Variants in PARP14 observed in about 807,000 individuals in gnomAD.
PARP14 encodes protein mono-ADP-ribosyltransferase PARP14.
PARP14 carries 59 observed loss-of-function variants against 154.2 expected under a neutral mutation model. The ratio of observed to expected loss-of-function variants is 0.38; its 90% confidence interval spans 0.31 to 0.48. The LOEUF is 0.48. Among genes scored for constraint, PARP14 ranks in the 20% least tolerant of loss-of-function variants. The probability of loss-of-function intolerance (pLI) is 0.98; values close to 1 mark genes in which losing one functional copy is unlikely to be tolerated. For missense variants in PARP14, 1,734 were observed against 2,131.6 expected (o/e 0.81, Z 3.67); for synonymous variants, 720 against 780.5 (o/e 0.92, Z 1.29).
chr3:122,702,411 G>A (rs1939007044), intron 6 of PARP14, among the ~76,000 whole-genome samples: 2 of 152,088 alleles, frequency 1.3e-5, no homozygotes, highest in South Asian at 4.2e-4. Context: ...GTAGAGATGG[G>A]GTTTCACCAT....
chr3:122,701,033 C>A lies in PARP14; in HGVS notation c.2479C>A (p.Leu827Ile), dbSNP rs1487881769. 6.2e-7 allele frequency: 1 copy of A among 1,614,024 alleles called. No homozygotes were observed. Among genetic ancestry groups the A allele is most frequent in the Admixed American group, 1.7e-5 (1 of 60,032 alleles). Reference protein sequence around the residue: ...DVVVNASNEDLKHYGGLAAAL... With the variant: ...DVVVNASNEDIKHYGGLAAAL... Reference sequence around the variant, plus strand: ...GGTGGTGAATGCATCTAATGAGGACCTTAAGCATTATGGTGGCCTGGCCGC... The same window carrying A: ...GGTGGTGAATGCATCTAATGAGGACATTAAGCATTATGGTGGCCTGGCCGC... Residue 827 changes from leucine to isoleucine, a missense_variant, in exon 6 of 17, where the codon CTT (leucine) becomes ATT (isoleucine). Coordinates refer to ENST00000474629, the MANE Select transcript of PARP14 (RefSeq NM_017554.3). This position sits in a 1 kb window ranked among gnomAD's most constrained non-coding sequence, Gnocchi z 4.0.
intron 9 of PARP14, among the ~76,000 whole-genome samples, chr3:122,709,456 GAT>G (rs1420880839): frequency 2.0e-5 from 3 of 152,178 alleles, no homozygotes. Context: ...CTTGTTGGTT[GAT>G]GGACACTTAG....
intron 2 of PARP14, 144 bp from the exon 3 acceptor site, chr3:122,686,936 C>G (rs1006550041): frequency 2.3e-5 from 14 of 608,338 alleles, no homozygotes; most frequent in Non-Finnish European, 4.1e-5. Flanking sequence ...TATATGGCCC[C>G]AGATGTATTC....
intron 1 of PARP14, among the ~76,000 whole-genome samples, chr3:122,684,971 G>A (rs1460794876): frequency 2.0e-5 from 3 of 152,078 alleles, no homozygotes; most frequent in Non-Finnish European, 4.4e-5. Context: ...GGCTTATTAG[G>A]GAACATGCTC....
intron 1 of PARP14, among the ~76,000 whole-genome samples, chr3:122,682,538 T>C (rs578237055): frequency 3.0e-4 from 45 of 152,324 alleles, no homozygotes; most frequent in Non-Finnish European, 4.9e-4. Context: ...GAAATAATTA[T>C]ACAAATTTAA....
At chr3:122,687,182 A>C in intron 3 of PARP14, 69 bp downstream of exon 3, 1 of 1,095,650 alleles carries the variant, frequency 9.1e-7, no homozygotes, top group Non-Finnish European at 1.4e-6. Flanking sequence ...GCAGCACTTG[A>C]GGGAGTCAGC....
At chr3:122,697,395 A>C (rs1393794359) in intron 5 of PARP14, among the ~76,000 whole-genome samples, 1 of 152,258 alleles carries the variant, frequency 6.6e-6, no homozygotes, top group East Asian at 1.9e-4. Context: ...AGAAAGGTCC[A>C]ATAACTTGCC....
Position 122,714,364 on chromosome 3 carries a change from CCT to C in PARP14, c.3938_3939del (p.Ser1313CysfsTer6). ...GGAAATGATGTCAAGAGTTCAGTTT[CCT>C]CTGTTTTGCAGGAGTGTGAAAAAAA... On this transcript the variant is annotated frameshift_variant, in exon 12 of 17. Coordinates refer to ENST00000474629, the MANE Select transcript of PARP14 (RefSeq NM_017554.3). LOFTEE classifies it high-confidence loss of function. 2 of 1,591,642 alleles carry C rather than the reference CCT, an allele frequency of 1.3e-6. No individual in the cohort carries two copies. The highest frequency in any genetic ancestry group is 1.7e-6 in the Non-Finnish European group (2 of 1,173,386).
In PARP14 at chr3:122,700,052, T is replaced by A; in HGVS notation, c.1498T>A (p.Cys500Ser). The change falls in exon 6 of 17, where the codon TGT becomes AGT. Residue 500 changes from cysteine to serine, a missense_variant. Cys to Ser is a moderately radical substitution (Grantham distance 112, BLOSUM62 -1). Coordinates refer to ENST00000474629, the MANE Select transcript of PARP14 (RefSeq NM_017554.3). ...CACGGAGTGCCCAGAGATAGAGATT[T>A]GTTACGATAGAGTCACTCAACACTT... is the stretch of plus-strand genomic sequence containing the variant. ...LLTECPEIEI[C>S]YDRVTQHLCL... The A allele has an allele frequency of 6.2e-7, 1 of 1,613,960 alleles. No homozygotes were observed. The highest frequency in any genetic ancestry group is 1.1e-5 in the South Asian group (1 of 91,072).
At chr3:122,687,211 A>T in intron 3 of PARP14, 98 bp downstream of exon 3, 1 of 817,004 alleles carries the variant, frequency 1.2e-6, no homozygotes. Context: ...CTTGACTTCC[A>T]CTATGCAGGA....
chr3:122,708,126 C>A, intron 8 of PARP14, 64 bp from the exon 9 acceptor site: 1 of 847,396 alleles, frequency 1.2e-6, no homozygotes, highest in Non-Finnish European at 1.9e-6. Flanking sequence ...ACAAAACACC[C>A]TGATGATTCC....
At chr3:122,702,302 C>T (rs1249359522) in intron 6 of PARP14, among the ~76,000 whole-genome samples, 2 of 152,092 alleles carry the variant, frequency 1.3e-5, no homozygotes, top group African/African-American at 2.4e-5. Context: ...CTGCAACCTC[C>T]GCCCCCTGGG....
intron 4 of PARP14, among the ~76,000 whole-genome samples, chr3:122,693,529 GATA>G (rs1938604214): frequency 6.6e-6 from 1 of 152,158 alleles, no homozygotes; most frequent in African/African-American, 2.4e-5. Context: ...GATTGAATGA[GATA>G]ATGTTTGAAA....
intron 9 of PARP14, among the ~76,000 whole-genome samples, chr3:122,711,577 A>G (rs1240490314): frequency 1.3e-5 from 2 of 151,878 alleles, no homozygotes; most frequent in East Asian, 3.9e-4. Flanking sequence ...TGGATTTATT[A>G]TTAGTTTAAT....
chr3:122,696,139 T>C (rs16833402), intron 5 of PARP14, among the ~76,000 whole-genome samples: 2,218 of 152,256 alleles, frequency 0.015, 48 homozygotes, highest in African/African-American at 0.051. Flanking sequence ...TGCTGGACTA[T>C]TGTTTGGAGT....
rs1933358662 is a variant in PARP14 at position 122,729,151 on chromosome 3, C to T, written c.*554C>T. 1.3e-5 allele frequency: 2 copies of T among 152,774 alleles called. No individual in the cohort carries two copies. The highest frequency in any genetic ancestry group is 1.5e-5 in the Non-Finnish European group (1 of 68,472). 9.5% of individuals were successfully genotyped at this position (152,774 alleles called of 1,614,324 possible). A position where few individuals can be genotyped will look rare whatever the true frequency, so the allele number is the denominator to read the frequency against. The stretch of plus-strand genomic sequence containing the variant: ...ATGAAAAAAAGCCTAGTCAGACTCC[C>T]ATCCAAAGTAGGAACTATCTCTTTA... On this transcript the variant is annotated 3_prime_UTR_variant, in exon 17 of 17. Coordinates refer to ENST00000474629, the MANE Select transcript of PARP14 (RefSeq NM_017554.3).
chr3:122,703,984 G>A lies in PARP14; in HGVS notation c.3318+6G>A, dbSNP rs749993586. 2.5e-6 allele frequency: 4 copies of A among 1,604,056 alleles called. No individual in the cohort carries two copies. The highest frequency in any genetic ancestry group is 3.4e-6 in the Non-Finnish European group (4 of 1,170,928). ...GTAGCACATCTTCACTCAAGGTTGG[G>A]CCTGGTTTTGAATTCTCCATGAAGT... On this transcript the variant is annotated splice_donor_region_variant and intron_variant, in intron 7 of 16. Coordinates refer to ENST00000474629, the MANE Select transcript of PARP14 (RefSeq NM_017554.3).
At position 122,699,381 on chromosome 3, in the gene PARP14, CCTTTT is replaced by C; in HGVS notation, c.836-8_836-4del. ...TGGGCTTACATTATTTTACTTCTTT[CCTTTT>C]AAGTGTTAGACACCATCATGGCCAC... On this transcript the variant is annotated splice_polypyrimidine_tract_variant and splice_region_variant and intron_variant, in intron 5 of 16. Coordinates refer to ENST00000474629, the MANE Select transcript of PARP14 (RefSeq NM_017554.3). 1 of 1,552,384 alleles carries C rather than the reference CCTTTT, an allele frequency of 6.4e-7. No individual in the cohort carries two copies. The highest frequency in any genetic ancestry group is 8.8e-7 in the Non-Finnish European group (1 of 1,141,480).
At chr3:122,695,975 A>C (rs1426266161) in intron 5 of PARP14, among the ~76,000 whole-genome samples, 1 of 152,234 alleles carries the variant, frequency 6.6e-6, no homozygotes, top group Non-Finnish European at 1.5e-5. Context: ...TGTTTTAGCC[A>C]CACACTTGAT....
Sources: allele counts gnomAD v4.1 joint callset (sites outside exome capture counted in the v4.1 genomes callset), GRCh38; gene constraint gnomAD v4.1.1; non-coding constraint Gnocchi (gnomAD v3.1); transcripts MANE v1.5; gene names NCBI Gene and HGNC (gene_info 2026-07-23, HGNC 2026-07-21).